SOX9: variants seen among roughly 807,000 people sequenced by gnomAD.
SOX9 encodes the protein transcription factor SOX-9.
In SOX9, 2 loss-of-function variants were observed where a neutral mutation model predicts 44.8. The observed-to-expected ratio is 0.04, with a 90% CI of 0.02 to 0.14. The LOEUF (loss-of-function observed/expected upper bound fraction) is 0.14, where lower values mean the gene tolerates loss of function less well. SOX9 is among the 10% of genes least tolerant of loss of function. The pLI, the probability that SOX9 is intolerant of heterozygous loss-of-function variation, is 1.00. For missense variants in SOX9, 583 were observed against 728.6 expected, an observed-to-expected ratio of 0.80 and a Z score of 2.30; for synonymous variants, 381 against 331.8, an observed-to-expected ratio of 1.15 and a Z score of -1.61.
In SOX9 at chr17:72,122,883, C is replaced by A. The variant is rs762685531; in HGVS notation, c.596C>A (p.Ser199Tyr). 2 of 1,614,140 alleles carry A rather than the reference C, an allele frequency of 1.2e-6. No homozygotes were observed. The highest frequency in any genetic ancestry group is 1.7e-5 in the Admixed American group (1 of 60,020). Residue 199 changes from serine (S) to tyrosine (Y), a missense_variant, in exon 2 of 3, where the codon TCC (serine) becomes TAC (tyrosine). Transcript: ENST00000245479. ...AEEATEQTHI[S>Y]PNAIFKALQA... ...GAGGCCACGGAGCAGACGCACATCT[C>A]CCCCAACGCCATCTTCAAGGCGCTG... is the stretch of plus-strand genomic sequence containing the variant.
chr17:72,121,362 G>C lies in SOX9; in HGVS notation c.-30G>C, dbSNP rs754074799. 14 of 1,604,814 alleles carry C rather than the reference G, an allele frequency of 8.7e-6. No individual in the cohort carries two copies. On this transcript the variant is annotated 5_prime_UTR_variant, in exon 1 of 3. Coordinates refer to ENST00000245479, the MANE Select transcript of SOX9 (RefSeq NM_000346.4). The surrounding 1 kb of genome is among the most constrained non-coding windows in gnomAD (Gnocchi z 8.3). The stretch of plus-strand genomic sequence containing the variant: ...GCCGCCGCGGCTTCTCGCCTTTCCC[G>C]GCCACCAGCCCCCTGCCCCGGGCCC...
Position 72,123,922 on chromosome 17 carries a change from C to T in SOX9, c.1065C>T (p.Ala355=). The part of the protein sequence containing the change: ...PPQQPPQAPP[A]PQAPPQPQAA... ...AGCAGCCCCCACAGGCCCCGCCGGC[C>T]CCGCAGGCGCCCCCGCAGCCGCAGG... is the stretch of plus-strand genomic sequence containing the variant. The change falls in exon 3 of 3, where the codon GCC becomes GCT. Residue 355 remains alanine, a synonymous_variant. Transcript: ENST00000245479. The surrounding 1 kb of genome is among the most constrained non-coding windows in gnomAD (Gnocchi z 6.5). 3.1e-6 allele frequency: 4 copies of T among 1,287,592 alleles called. No individual in the cohort carries two copies. The South Asian group carries it at 9.1e-5, about 29-fold the overall frequency. The allele number at this position is 1,287,592 out of a possible 1,614,324, so 79.8% of individuals were successfully genotyped here.
rs1452448501 is a variant in SOX9, at chr17:72,125,235, G to T, written c.*848G>T. 8.7e-6 allele frequency: 2 copies of T among 228,616 alleles called. No individual in the cohort carries two copies. Among genetic ancestry groups the T allele is most frequent in the Non-Finnish European group, 1.7e-5 (2 of 115,112 alleles). The allele number at this position is 228,616 out of a possible 1,614,324, so 14.2% of individuals were successfully genotyped here. On this transcript the variant is annotated 3_prime_UTR_variant, in exon 3 of 3. Transcript: ENST00000245479. ...TTTAAAGAAGAGAAAAACACCTTGA[G>T]CCTTAAAACGGTGCTGCTGGGAAAC...
In SOX9 at chr17:72,121,585, A is replaced by G. The variant is rs1309589494; in HGVS notation, c.194A>G (p.Glu65Gly). The change falls in exon 1 of 3, where the codon GAG becomes GGG. Residue 65 changes from glutamate to glycine, a missense_variant. Glu to Gly is a moderately conservative substitution (Grantham distance 98). Coordinates refer to ENST00000245479, the MANE Select transcript of SOX9 (RefSeq NM_000346.4). This position sits in a 1 kb window ranked among gnomAD's most constrained non-coding sequence, Gnocchi z 8.3. ...GAGCCCGATCTGAAGAAGGAGAGCG[A>G]GGAGGACAAGTTCCCCGTGTGCATC... Reference protein sequence around the residue: ...KGEPDLKKESEEDKFPVCIRE... With the variant: ...KGEPDLKKESGEDKFPVCIRE... The G allele has an allele frequency of 6.2e-7, 1 of 1,607,230 alleles. No individual in the cohort carries two copies.
In SOX9 at chr17:72,121,229, T is replaced by C. The variant is rs559110158; in HGVS notation, c.-163T>C. 2 of 656,350 alleles carry C rather than the reference T, an allele frequency of 3.0e-6. No individual in the cohort carries two copies. The highest frequency in any genetic ancestry group is 4.1e-4 in the Middle Eastern group (1 of 2,434). The allele number at this position is 656,350 out of a possible 1,614,324, so 40.7% of individuals were successfully genotyped here. On this transcript the variant is annotated 5_prime_UTR_variant, in exon 1 of 3. Coordinates refer to ENST00000245479, the MANE Select transcript of SOX9 (RefSeq NM_000346.4). This position sits in a 1 kb window ranked among gnomAD's most constrained non-coding sequence, Gnocchi z 8.3. The stretch of plus-strand genomic sequence containing the variant: ...GCTGTGAACTGGCCACCCCGCGCCT[T>C]CCTAAGTGCTCGCCGCGGTAGCCGG...
In SOX9 at chr17:72,123,763, C is replaced by A. The variant is rs1908185040; in HGVS notation, c.906C>A (p.Gly302=). The change falls in exon 3 of 3, where the codon GGC becomes GGA. Residue 302 remains glycine (G), a synonymous_variant. Coordinates refer to ENST00000245479, the MANE Select transcript of SOX9 (RefSeq NM_000346.4). This position sits in a 1 kb window ranked among gnomAD's most constrained non-coding sequence, Gnocchi z 6.5. The part of the protein sequence containing the change: ...NEFDQYLPPN[G]HPGVPATHGQ... The stretch of plus-strand genomic sequence containing the variant: ...TTGACCAGTACCTGCCGCCCAACGG[C>A]CACCCGGGGGTGCCGGCCACGCACG... 1.2e-6 allele frequency: 2 copies of A among 1,613,372 alleles called. No individual in the cohort carries two copies. The highest frequency in any genetic ancestry group is 1.7e-6 in the Non-Finnish European group (2 of 1,179,944).
At position 72,121,560 on chromosome 17, in the gene SOX9, G is replaced by A. The variant is rs749108550; in HGVS notation, c.169G>A (p.Glu57Lys). The change falls in exon 1 of 3, where the codon GAG (glutamate) becomes AAG (lysine). Residue 57 changes from glutamate (E) to lysine (K), a missense_variant. Transcript: ENST00000245479. This position sits in a 1 kb window ranked among gnomAD's most constrained non-coding sequence, Gnocchi z 8.3. ...CCAGGAGAACACGTTCCCCAAGGGC[G>A]AGCCCGATCTGAAGAAGGAGAGCGA... is the stretch of plus-strand genomic sequence containing the variant. The part of the protein sequence containing the change: ...RPQENTFPKG[E>K]PDLKKESEED... 2 of 1,609,326 alleles carry A rather than the reference G, an allele frequency of 1.2e-6. No homozygotes were observed. Among genetic ancestry groups the A allele is most frequent in the East Asian group, 2.2e-5 (1 of 44,658 alleles).
Position 72,123,618 on chromosome 17 carries a change from G to T in SOX9, c.761G>T (p.Arg254Leu), listed in dbSNP as rs183824168. 1.3e-6 allele frequency: 2 copies of T among 1,591,630 alleles called. No homozygotes were observed. The highest frequency in any genetic ancestry group is 2.7e-5 in the African/African-American group (2 of 74,172). Residue 254 changes from arginine to leucine, a missense_variant, in exon 3 of 3, where the codon CGA (arginine) becomes CTA (leucine). Physicochemically the swap from Arg to Leu is moderately radical, Grantham distance 102. Transcript: ENST00000245479. This position sits in a 1 kb window ranked among gnomAD's most constrained non-coding sequence, Gnocchi z 6.5. Reference sequence around the variant, plus strand: ...CAGCCGGGCAAGGCTGACCTGAAGCGAGAGGGGCGCCCCTTGCCAGAGGGG... The same window carrying T: ...CAGCCGGGCAAGGCTGACCTGAAGCTAGAGGGGCGCCCCTTGCCAGAGGGG... ...DVQPGKADLK[R>L]EGRPLPEGGR...
At position 72,124,666 on chromosome 17, in the gene SOX9, A is replaced by G; in HGVS notation, c.*279A>G. 3.6e-6 allele frequency: 2 copies of G among 549,724 alleles called. No individual in the cohort carries two copies. Among genetic ancestry groups the G allele is most frequent in the Non-Finnish European group, 6.5e-6 (2 of 305,380 alleles). 34.1% of individuals were successfully genotyped at this position (549,724 alleles called of 1,614,324 possible). A position where few individuals can be genotyped will look rare whatever the true frequency, so the allele number is the denominator to read the frequency against. ...GCTAAATGGAGCAGCGAAATCAACG[A>G]GAAACTGGACTTTTTAAACCCTCTT... On this transcript the variant is annotated 3_prime_UTR_variant, in exon 3 of 3. Coordinates refer to ENST00000245479, the MANE Select transcript of SOX9 (RefSeq NM_000346.4). This position sits in a 1 kb window ranked among gnomAD's most constrained non-coding sequence, Gnocchi z 4.6.
At position 72,121,963 on chromosome 17, in the gene SOX9, A is replaced by G. The variant is rs1908110105; in HGVS notation, c.431+141A>G. 2.9e-6 allele frequency: 3 copies of G among 1,048,574 alleles called. No individual in the cohort carries two copies. The highest frequency in any genetic ancestry group is 5.8e-5 in the Admixed American group (2 of 34,464). 65.0% of individuals were successfully genotyped at this position (1,048,574 alleles called of 1,614,324 possible). On this transcript the variant is annotated intron_variant, in intron 1 of 2. Transcript: ENST00000245479. This position sits in a 1 kb window ranked among gnomAD's most constrained non-coding sequence, Gnocchi z 8.3. ...CCGGCGGGATGGGGTTGGGAGTGGG[A>G]ATGGGGTGTAACTGTGGCTCAGAGT...
rs2143238476 is a variant in SOX9 at position 72,121,601 on chromosome 17, C to G, written c.210C>G (p.Pro70=). 1.9e-6 allele frequency: 3 copies of G among 1,604,510 alleles called. No individual in the cohort carries two copies. The highest frequency in any genetic ancestry group is 2.6e-6 in the Non-Finnish European group (3 of 1,175,860). ...LKKESEEDKF[P]VCIREAVSQV... is the part of the protein sequence containing the mutation. ...AGGAGAGCGAGGAGGACAAGTTCCC[C>G]GTGTGCATCCGCGAGGCGGTCAGCC... The change falls in exon 1 of 3, where the codon CCC becomes CCG. Residue 70 remains proline, a synonymous_variant. Coordinates refer to ENST00000245479, the MANE Select transcript of SOX9 (RefSeq NM_000346.4). This position sits in a 1 kb window ranked among gnomAD's most constrained non-coding sequence, Gnocchi z 8.3.
At position 72,121,257 on chromosome 17, in the gene SOX9, G is replaced by T. The variant is rs1908077288; in HGVS notation, c.-135G>T. On this transcript the variant is annotated 5_prime_UTR_variant, in exon 1 of 3. Transcript: ENST00000245479. The surrounding 1 kb of genome is among the most constrained non-coding windows in gnomAD (Gnocchi z 8.3). ...TAAGTGCTCGCCGCGGTAGCCGGCC[G>T]ACGCGCCAGCTTCCCCGGGAGCCGC... 1.3e-6 allele frequency: 1 copy of T among 792,294 alleles called. No individual in the cohort carries two copies. The highest frequency in any genetic ancestry group is 1.7e-5 in the South Asian group (1 of 57,676). The allele number at this position is 792,294 out of a possible 1,614,324, so 49.1% of individuals were successfully genotyped here. A position where few individuals can be genotyped will look rare whatever the true frequency, so the allele number is the denominator to read the frequency against.
At chr17:72,122,628 G>A (rs566496690) in intron 1 of SOX9, 91 bp from the exon 2 acceptor site, 3 of 1,335,196 alleles carry the variant, frequency 2.2e-6, no homozygotes, top group South Asian at 2.6e-5. Context: ...GGTCTGGGTC[G>A]CCGCCTCCTC....
At position 72,123,920 on chromosome 17, in the gene SOX9, G is replaced by A. The variant is rs1212048972; in HGVS notation, c.1063G>A (p.Ala355Thr). The change falls in exon 3 of 3, where the codon GCC becomes ACC. Residue 355 changes from alanine to threonine, a missense_variant. Ala to Thr is a moderately conservative substitution (Grantham distance 58, BLOSUM62 0). Coordinates refer to ENST00000245479, the MANE Select transcript of SOX9 (RefSeq NM_000346.4). This position sits in a 1 kb window ranked among gnomAD's most constrained non-coding sequence, Gnocchi z 6.5. The stretch of plus-strand genomic sequence containing the variant: ...GCAGCAGCCCCCACAGGCCCCGCCG[G>A]CCCCGCAGGCGCCCCCGCAGCCGCA... The part of the protein sequence containing the change: ...PPQQPPQAPP[A>T]PQAPPQPQAA... 3.9e-6 allele frequency: 5 copies of A among 1,290,448 alleles called. No individual in the cohort carries two copies. Among genetic ancestry groups the A allele is most frequent in the African/African-American group, 3.1e-5 (2 of 64,080 alleles). 79.9% of individuals were successfully genotyped at this position (1,290,448 alleles called of 1,614,324 possible).
chr17:72,123,522 T>G lies in SOX9; in HGVS notation c.686-21T>G, dbSNP rs755278093. ...ACAGCCCTTGTTGATTTTCTCGTGC[T>G]TGTTCTTTTATTGTCCACAGGGCAA... On this transcript the variant is annotated intron_variant, in intron 2 of 2. Coordinates refer to ENST00000245479, the MANE Select transcript of SOX9 (RefSeq NM_000346.4). This position sits in a 1 kb window ranked among gnomAD's most constrained non-coding sequence, Gnocchi z 6.5. The G allele has an allele frequency of 1.2e-6, 2 of 1,614,040 alleles. No homozygotes were observed. Among genetic ancestry groups the G allele is most frequent in the South Asian group, 2.2e-5 (2 of 91,068 alleles).
rs1908172744 is a variant in SOX9 at position 72,123,455 on chromosome 17, G to C, written c.686-88G>C. 1.3e-6 allele frequency: 2 copies of C among 1,575,776 alleles called. No homozygotes were observed. The highest frequency in any genetic ancestry group is 1.7e-6 in the Non-Finnish European group (2 of 1,147,406). Reference sequence around the variant, plus strand: ...CGGGCCCTTATTACACTTTAGCAGCGAGGGAGGGTCCCCGGAGGGTGCCTA... The same window carrying C: ...CGGGCCCTTATTACACTTTAGCAGCCAGGGAGGGTCCCCGGAGGGTGCCTA... On this transcript the variant is annotated intron_variant, in intron 2 of 2. Transcript: ENST00000245479. The surrounding 1 kb of genome is among the most constrained non-coding windows in gnomAD (Gnocchi z 6.5).
In SOX9 at chr17:72,123,460, A is replaced by T. The variant is rs2143249436; in HGVS notation, c.686-83A>T. On this transcript the variant is annotated intron_variant, in intron 2 of 2. Coordinates refer to ENST00000245479, the MANE Select transcript of SOX9 (RefSeq NM_000346.4). This position sits in a 1 kb window ranked among gnomAD's most constrained non-coding sequence, Gnocchi z 6.5. ...CCTTATTACACTTTAGCAGCGAGGGAGGGTCCCCGGAGGGTGCCTAAGACT... is the reference window on the plus strand; with the variant it reads ...CCTTATTACACTTTAGCAGCGAGGGTGGGTCCCCGGAGGGTGCCTAAGACT... The T allele has an allele frequency of 6.3e-7, 1 of 1,580,938 alleles. No individual in the cohort carries two copies. Among genetic ancestry groups the T allele is most frequent in the Non-Finnish European group, 8.7e-7 (1 of 1,152,070 alleles).
rs1946899126 is a variant in SOX9, at chr17:72,124,790, G to A, written c.*403G>A. 2 of 372,886 alleles carry A rather than the reference G, an allele frequency of 5.4e-6. No individual in the cohort carries two copies. Among genetic ancestry groups the A allele is most frequent in the South Asian group, 3.5e-5 (1 of 28,340 alleles). 23.1% of individuals were successfully genotyped at this position (372,886 alleles called of 1,614,324 possible). A position where few individuals can be genotyped will look rare whatever the true frequency, so the allele number is the denominator to read the frequency against. ...AATTATTTTTTTAGCAGTAATTAAA[G>A]AAAAAAGTCCTCTGTGAGGAATATT... is the stretch of plus-strand genomic sequence containing the variant. On this transcript the variant is annotated 3_prime_UTR_variant, in exon 3 of 3. Transcript: ENST00000245479. This position sits in a 1 kb window ranked among gnomAD's most constrained non-coding sequence, Gnocchi z 4.6.
In SOX9 at chr17:72,122,981, C is replaced by T. The variant is rs1908155314; in HGVS notation, c.685+9C>T. On this transcript the variant is annotated intron_variant, in intron 2 of 2. Transcript: ENST00000245479. ...CCCCGGCGAGCACTCGGGTGAGTCGCCCCTCGACCCCACCGGACAAGCTAT... is the reference window on the plus strand; with the variant it reads ...CCCCGGCGAGCACTCGGGTGAGTCGTCCCTCGACCCCACCGGACAAGCTAT... The T allele has an allele frequency of 6.2e-7, 1 of 1,611,652 alleles. No individual in the cohort carries two copies. Among genetic ancestry groups the T allele is most frequent in the Non-Finnish European group, 8.5e-7 (1 of 1,179,878 alleles).
Sources: allele counts gnomAD v4.1 joint callset, GRCh38; gene constraint gnomAD v4.1.1; non-coding constraint Gnocchi (gnomAD v3.1); transcripts MANE v1.5; gene names NCBI Gene and HGNC (gene_info 2026-07-23, HGNC 2026-07-21).